The following CNTNAP2 variants were observed in gnomAD, a reference collection of about 807,000 sequenced individuals.
CNTNAP2 encodes contactin-associated protein-like 2.
CNTNAP2 carries 98 observed loss-of-function variants against 155.2 expected under a neutral mutation model. The observed-to-expected ratio is 0.63, with a 90% CI of 0.54 to 0.75. CNTNAP2 has a LOEUF of 0.75. CNTNAP2 is among the 30% of genes least tolerant of loss of function. The pLI, the probability that CNTNAP2 is intolerant of heterozygous loss-of-function variation, is 0.00. For missense variants in CNTNAP2, 1,727 were observed against 1,688.1 expected, an observed-to-expected ratio of 1.02 and a Z score of -0.40; for synonymous variants, 651 against 631.2, an observed-to-expected ratio of 1.03 and a Z score of -0.47.
intron 4 of CNTNAP2, among the ~76,000 whole-genome samples, chr7:147,045,562 C>T (rs542883505): frequency 6.6e-6 from 1 of 152,230 alleles, no homozygotes; most frequent in South Asian, 2.1e-4. Flanking sequence ...AGATTTAGCT[C>T]TTCAGGAGAA....
intron 10 of CNTNAP2, among the ~76,000 whole-genome samples, chr7:147,403,073 C>G (rs2373031): frequency 0.17 from 26,603 of 152,072 alleles, 2,954 homozygotes; most frequent in Non-Finnish European, 0.25. Flanking sequence ...AATCCATTCT[C>G]TCTGAAGACT....
At chr7:146,387,519 G>A (rs959723521) in intron 1 of CNTNAP2, among the ~76,000 whole-genome samples, 3 of 152,088 alleles carry the variant, frequency 2.0e-5, no homozygotes, top group Non-Finnish European at 4.4e-5. Context: ...CATTTTGGTA[G>A]GACAAATGGT....
chr7:147,609,049 G>A (rs1323674245), intron 12 of CNTNAP2, among the ~76,000 whole-genome samples: 1 of 152,158 alleles, frequency 6.6e-6, no homozygotes, highest in Non-Finnish European at 1.5e-5. Flanking sequence ...GGATGTATAC[G>A]TGCAGGTCAC....
intron 17 of CNTNAP2, among the ~76,000 whole-genome samples, chr7:148,169,261 C>T (rs1043861100): frequency 7.2e-5 from 11 of 152,046 alleles, no homozygotes; most frequent in African/African-American, 2.2e-4. Context: ...TTTTTGCCCC[C>T]GTCGAGCAGA....
chr7:146,209,271 G>A (rs1798998267), intron 1 of CNTNAP2, among the ~76,000 whole-genome samples: 1 of 152,126 alleles, frequency 6.6e-6, no homozygotes, highest in Non-Finnish European at 1.5e-5. Context: ...ACAACCCTAC[G>A]AGTAGGCTGT....
chr7:148,077,565 A>T (rs1196056572), intron 15 of CNTNAP2, among the ~76,000 whole-genome samples: 1 of 152,214 alleles, frequency 6.6e-6, no homozygotes, highest in African/African-American at 2.4e-5. Flanking sequence ...AAATAAACAA[A>T]TTCAAAATGC....
chr7:147,214,556 G>C (rs181912336), intron 8 of CNTNAP2, among the ~76,000 whole-genome samples: 2 of 151,992 alleles, frequency 1.3e-5, no homozygotes, highest in African/African-American at 4.8e-5. Context: ...ATTAAAGATG[G>C]TTTGCTTATA....
intron 9 of CNTNAP2, among the ~76,000 whole-genome samples, chr7:147,328,036 G>A (rs1041074625): frequency 3.3e-5 from 5 of 151,950 alleles, no homozygotes; most frequent in Admixed American, 6.6e-5. Context: ...AAAATCTAGA[G>A]ACAAATTTTT....
chr7:146,320,815 A>C (rs1800987790), intron 1 of CNTNAP2, among the ~76,000 whole-genome samples: 1 of 152,310 alleles, frequency 6.6e-6, no homozygotes, highest in African/African-American at 2.4e-5. Flanking sequence ...TATAAAGAAA[A>C]TAAAAGTTAT....
chr7:148,395,390 TCTGCTGCC>T (rs1478518964), intron 22 of CNTNAP2, among the ~76,000 whole-genome samples: 3 of 152,084 alleles, frequency 2.0e-5, no homozygotes, highest in Admixed American at 6.6e-5. Flanking sequence ...TGACCACACC[TCTGCTGCC>T]CCAGCCCCGC....
At chr7:146,510,353 C>G (rs1424375430) in intron 1 of CNTNAP2, among the ~76,000 whole-genome samples, 1 of 152,220 alleles carries the variant, frequency 6.6e-6, no homozygotes, top group East Asian at 1.9e-4. Flanking sequence ...CTACTCATGA[C>G]TAAAGCACAG....
intron 18 of CNTNAP2, among the ~76,000 whole-genome samples, chr7:148,185,515 C>G (rs943747310): frequency 3.9e-5 from 6 of 152,220 alleles, no homozygotes; most frequent in African/African-American, 1.2e-4. Flanking sequence ...TTGACAGTCT[C>G]TCTGCATCCT....
chr7:148,401,179 A>G (rs1799574657), intron 22 of CNTNAP2, among the ~76,000 whole-genome samples: 1 of 152,218 alleles, frequency 6.6e-6, no homozygotes, highest in Non-Finnish European at 1.5e-5. Context: ...TCTCTGATCC[A>G]GACTTTCAAG....
intron 3 of CNTNAP2, among the ~76,000 whole-genome samples, chr7:146,941,081 T>C (rs1394804713): frequency 6.6e-6 from 1 of 152,090 alleles, no homozygotes; most frequent in Non-Finnish European, 1.5e-5. Context: ...TCTTATCTTT[T>C]GGTTGGATAA....
At chr7:147,501,036 G>A (rs1273622016) in intron 11 of CNTNAP2, among the ~76,000 whole-genome samples, 1 of 151,932 alleles carries the variant, frequency 6.6e-6, no homozygotes, top group Admixed American at 6.6e-5. Flanking sequence ...TATACACCAA[G>A]ATCAACTGGG....
chr7:146,818,516 C>G (rs988976605), intron 2 of CNTNAP2, among the ~76,000 whole-genome samples: 3 of 151,602 alleles, frequency 2.0e-5, no homozygotes, highest in Admixed American at 1.3e-4. Context: ...CTTTAGGGGT[C>G]TTTTGTTTTA....
At chr7:146,279,890 A>T (rs927408288) in intron 1 of CNTNAP2, among the ~76,000 whole-genome samples, 7 of 151,906 alleles carry the variant, frequency 4.6e-5, no homozygotes, top group South Asian at 2.1e-4. Context: ...AACTTAAAAA[A>T]ATATATAATG....
intron 1 of CNTNAP2, among the ~76,000 whole-genome samples, chr7:146,275,483 CA>C (rs201348937): frequency 0.018 from 2,712 of 152,224 alleles, 34 homozygotes; most frequent in Non-Finnish European, 0.026. Flanking sequence ...ATAAAGAACA[CA>C]GAAAATATAT....
intron 10 of CNTNAP2, among the ~76,000 whole-genome samples, chr7:147,417,843 A>G (rs1271153753): frequency 6.6e-6 from 1 of 152,232 alleles, no homozygotes; most frequent in African/African-American, 2.4e-5. Flanking sequence ...TGTATTAAAT[A>G]TTTGAGATTA....
Sources: gnomAD v4.1 joint callset for allele counts (sites outside exome capture counted in the v4.1 genomes callset) on GRCh38, gnomAD v4.1.1 for gene constraint, MANE v1.5 for transcripts, NCBI Gene and HGNC (gene_info 2026-07-23, HGNC 2026-07-21) for gene names.